CDC42BPA: variants seen among roughly 807,000 people sequenced by gnomAD.
CDC42BPA encodes the protein CDC42 binding protein kinase alpha.
CDC42BPA carries 80 observed loss-of-function variants against 223.5 expected under a neutral mutation model. That is an observed-to-expected ratio of 0.36 (90% confidence interval 0.30 to 0.43). The LOEUF (loss-of-function observed/expected upper bound fraction) is 0.43. Among genes scored for constraint, CDC42BPA ranks in the 20% least tolerant of loss-of-function variants. CDC42BPA has a pLI of 1.00. For synonymous variants in CDC42BPA, 694 were observed against 718.6 expected (o/e 0.97, Z 0.55); for missense variants, 1,743 against 2,099.9 (o/e 0.83, Z 3.32).
chr1:227,204,115 C>T (rs531211442), intron 3 of CDC42BPA, among the ~76,000 whole-genome samples: 2 of 152,286 alleles, frequency 1.3e-5, no homozygotes, highest in Admixed American at 1.3e-4. Flanking sequence ...CTGAATCTTT[C>T]TCTAATATTT....
At chr1:227,133,889 G>A (rs1232457014) in intron 10 of CDC42BPA, among the ~76,000 whole-genome samples, 3 of 151,552 alleles carry the variant, frequency 2.0e-5, no homozygotes, top group African/African-American at 7.3e-5. Context: ...TTTATCTGCT[G>A]ACATTCCCTC....
intron 27 of CDC42BPA, among the ~76,000 whole-genome samples, chr1:227,033,043 A>G (rs559009890): frequency 9.2e-5 from 14 of 152,320 alleles, no homozygotes; most frequent in African/African-American, 2.9e-4. Context: ...CCTCACACTT[A>G]TCTAATTTTC....
At chr1:227,020,470 A>C (rs959366871) in intron 32 of CDC42BPA, among the ~76,000 whole-genome samples, 1 of 152,212 alleles carries the variant, frequency 6.6e-6, no homozygotes, top group Non-Finnish European at 1.5e-5. Flanking sequence ...CTTGTACATC[A>C]ATACTTGCTG....
At chr1:227,057,755 A>G (rs1291569208) in intron 21 of CDC42BPA, among the ~76,000 whole-genome samples, 1 of 152,338 alleles carries the variant, frequency 6.6e-6, no homozygotes, top group Middle Eastern at 3.4e-3. Context: ...TAGTTTATTC[A>G]TATCTCATAG....
At chr1:227,104,640 T>A (rs1034728508) in intron 14 of CDC42BPA, among the ~76,000 whole-genome samples, 1 of 152,194 alleles carries the variant, frequency 6.6e-6, no homozygotes, top group Non-Finnish European at 1.5e-5. Context: ...TGTAACCTTA[T>A]TTTAAAATAT....
chr1:227,065,814 G>A (rs562798077), intron 21 of CDC42BPA, among the ~76,000 whole-genome samples: 3 of 152,244 alleles, frequency 2.0e-5, no homozygotes, highest in South Asian at 2.1e-4. Context: ...CAGAGACAGA[G>A]GGAGAAGAAT....
intron 21 of CDC42BPA, among the ~76,000 whole-genome samples, chr1:227,055,385 A>C (rs1674342625): frequency 6.6e-6 from 1 of 152,142 alleles, no homozygotes; most frequent in Admixed American, 6.5e-5. Context: ...TTAAATGCCT[A>C]CCAATGCATT....
intron 34 of CDC42BPA, among the ~76,000 whole-genome samples, chr1:227,012,899 A>G (rs1313723588): frequency 6.6e-6 from 1 of 152,166 alleles, no homozygotes; most frequent in Non-Finnish European, 1.5e-5. Flanking sequence ...TGAGATAAAG[A>G]TGGTTCCGGG....
Position 227,133,039 on chromosome 1 carries a change from T to A in CDC42BPA, c.1391-3808A>T, listed in dbSNP as rs554335890. Among the ~76,000 whole-genome samples the A allele has an allele frequency of 1.9e-4, 27 of 141,900 alleles. No individual in the cohort carries two copies. The South Asian group carries it at 5.7e-3, about 30-fold the overall frequency. 93.1% of individuals were successfully genotyped at this position (141,900 alleles called of 152,430 possible). ...GCAGCCACCCCGTCCGGGAGGGAGG[T>A]GGGGGTCAGCCCCCACCAGGCCAGC... On this transcript the variant is annotated intron_variant, in intron 10 of 36. Transcript: ENST00000366766.
intron 17 of CDC42BPA, among the ~76,000 whole-genome samples, chr1:227,077,849 C>T (rs1316212156): frequency 6.6e-6 from 1 of 152,156 alleles, no homozygotes; most frequent in Non-Finnish European, 1.5e-5. Context: ...ACTAATTTCT[C>T]CTCATCTCTT....
intron 26 of CDC42BPA, among the ~76,000 whole-genome samples, chr1:227,034,120 C>T (rs1005818384): frequency 2.0e-5 from 3 of 152,230 alleles, no homozygotes; most frequent in Admixed American, 2.0e-4. Context: ...TGGGAGTCAT[C>T]AATGCAGAGG....
At chr1:227,152,405 G>A (rs1661955338) in intron 6 of CDC42BPA, among the ~76,000 whole-genome samples, 1 of 152,006 alleles carries the variant, frequency 6.6e-6, no homozygotes, top group Non-Finnish European at 1.5e-5. Flanking sequence ...TTTGTTGTGA[G>A]TGTTACACGT....
intron 3 of CDC42BPA, among the ~76,000 whole-genome samples, chr1:227,210,201 T>G (rs1020183091): frequency 6.6e-6 from 1 of 152,194 alleles, no homozygotes; most frequent in Non-Finnish European, 1.5e-5. Flanking sequence ...TGTGTCTTTA[T>G]AGCAGCATGA....
chr1:227,189,399 T>C (rs760100806), intron 5 of CDC42BPA, among the ~76,000 whole-genome samples: 2 of 152,216 alleles, frequency 1.3e-5, no homozygotes, highest in Non-Finnish European at 2.9e-5. Context: ...ATCTTATTTA[T>C]AATAATTTTA....
At chr1:226,996,805 A>C (rs1661712177) in intron 35 of CDC42BPA, among the ~76,000 whole-genome samples, 1 of 152,224 alleles carries the variant, frequency 6.6e-6, no homozygotes, top group African/African-American at 2.4e-5. Context: ...CTCAGGGATG[A>C]AGCCGACTTG....
At chr1:227,033,504 C>CTTAA in intron 26 of CDC42BPA, 89 bp from the exon 27 acceptor site, 1 of 753,288 alleles carries the variant, frequency 1.3e-6, no homozygotes, top group Admixed American at 2.2e-5. Flanking sequence ...ATACCCAAAG[C>CTTAA]TTAACTGCAC....
At chr1:227,149,679 A>G (rs1408043952) in intron 6 of CDC42BPA, among the ~76,000 whole-genome samples, 1 of 152,258 alleles carries the variant, frequency 6.6e-6, no homozygotes, top group East Asian at 1.9e-4. Context: ...AGTGGATTAG[A>G]TACAGTTGAC....
At chr1:227,302,334 G>C (rs1294730469) in intron 1 of CDC42BPA, among the ~76,000 whole-genome samples, 1 of 152,154 alleles carries the variant, frequency 6.6e-6, no homozygotes, top group Non-Finnish European at 1.5e-5. Context: ...ACAGGTTACA[G>C]AATTTTTAAC....
At chr1:227,066,702 G>A (rs1176711769) in intron 21 of CDC42BPA, among the ~76,000 whole-genome samples, 1 of 151,978 alleles carries the variant, frequency 6.6e-6, no homozygotes, top group African/African-American at 2.4e-5. Flanking sequence ...CTGAACTGAT[G>A]GATGAGAAAA....
Sources: gnomAD v4.1 joint callset for allele counts (sites outside exome capture counted in the v4.1 genomes callset) on GRCh38, gnomAD v4.1.1 for gene constraint, MANE v1.5 for transcripts, NCBI Gene and HGNC (gene_info 2026-07-23, HGNC 2026-07-21) for gene names.